IGFL2: variants seen among roughly 807,000 people sequenced by gnomAD.
The protein encoded by IGFL2 is insulin growth factor-like family member 2.
A neutral mutation model predicts 13.9 loss-of-function variants in IGFL2; 7 were observed. That is an observed-to-expected ratio of 0.51 (90% CI 0.29 to 0.95). IGFL2 has a LOEUF of 0.95. IGFL2 is among the 40% of genes least tolerant of loss of function. The pLI, the probability that IGFL2 is intolerant of heterozygous loss-of-function variation, is 0.08. For synonymous variants in IGFL2, 55 were observed against 55.8 expected, an observed-to-expected ratio of 0.99 and a Z score of 0.07; for missense variants, 138 against 147.8, an observed-to-expected ratio of 0.93 and a Z score of 0.34.
In IGFL2 at chr19:46,160,488, A is replaced by G. The variant is rs776417562; in HGVS notation, c.73+20A>G. 6 of 1,613,634 alleles carry G rather than the reference A, an allele frequency of 3.7e-6. No homozygotes were observed. In the South Asian group the frequency reaches 6.6e-5, roughly 18 times the overall value. ...TCATCGGTGAGTACAAGGATGGGCA[A>G]GAGTGAAGAGGAAGGAGGCTGACTT... On this transcript the variant is annotated intron_variant, in intron 2 of 3. Coordinates refer to ENST00000377693, the MANE Select transcript of IGFL2 (RefSeq NM_001135113.2).
At chr19:46,084,834 A>G in the IGFL2 span, among the ~76,000 whole-genome samples, 2 of 152,214 alleles carry the variant, frequency 1.3e-5, no homozygotes, top group Admixed American at 1.3e-4. Context: ...TGGTGGGAAT[A>G]CAAAGATCCA....
At chr19:46,124,428 T>C in the IGFL2 span, 2 of 1,307,494 alleles carry the variant, frequency 1.5e-6, no homozygotes, top group East Asian at 4.8e-5. Context: ...AGGTGGAGAT[T>C]ATCACTTGGG....
At chr19:46,107,428 C>T in the IGFL2 span, among the ~76,000 whole-genome samples, 29 of 151,968 alleles carry the variant, frequency 1.9e-4, no homozygotes, top group African/African-American at 6.5e-4. Flanking sequence ...CAGTGGGGTC[C>T]GCACAGATGG....
At chr19:46,096,940 G>A in the IGFL2 span, among the ~76,000 whole-genome samples, 1 of 152,110 alleles carries the variant, frequency 6.6e-6, no homozygotes, top group East Asian at 1.9e-4. Context: ...GAGGATTTTT[G>A]CGTTGGTATT....
intron 1 of IGFL2, among the ~76,000 whole-genome samples, chr19:46,150,499 G>C (rs1304709187): frequency 6.6e-6 from 1 of 152,104 alleles, no homozygotes; most frequent in Non-Finnish European, 1.5e-5. Context: ...TTAAGAAGTT[G>C]ACAAAGAATA....
intron 1 of IGFL2, chr19:46,149,057 G>A (rs1444433829): frequency 1.9e-6 from 3 of 1,587,376 alleles, no homozygotes; most frequent in Non-Finnish European, 2.6e-6. Context: ...GGCAGCCCAG[G>A]CAGTGGACTG....
the IGFL2 span, among the ~76,000 whole-genome samples, chr19:46,086,323 C>CT: frequency 3.3e-5 from 5 of 151,538 alleles, no homozygotes; most frequent in African/African-American, 4.9e-5. Flanking sequence ...TCATAAATTC[C>CT]TTTTTTTTCT....
At chr19:46,146,389 G>A (rs1973140135), upstream of IGFL2, among the ~76,000 whole-genome samples, 1 of 152,192 alleles carries the variant, frequency 6.6e-6, no homozygotes, top group Non-Finnish European at 1.5e-5. Flanking sequence ...ATTGGATAGT[G>A]TGAGTCCTCT....
the IGFL2 span, among the ~76,000 whole-genome samples, chr19:46,116,753 C>T: frequency 5.3e-5 from 8 of 152,058 alleles, no homozygotes; most frequent in African/African-American, 7.3e-5. Flanking sequence ...ATTCATGTAA[C>T]GGAGTTCTGG....
chr19:46,149,173 C>A, intron 1 of IGFL2: 1 of 650,154 alleles, frequency 1.5e-6, no homozygotes, highest in Non-Finnish European at 2.8e-6. Flanking sequence ...CTCTCTCTCT[C>A]TCTTCTCTCT....
the IGFL2 span, among the ~76,000 whole-genome samples, chr19:46,088,890 AT>A: frequency 2.0e-5 from 3 of 152,246 alleles, no homozygotes; most frequent in African/African-American, 4.8e-5. Flanking sequence ...GACAGAGGAA[AT>A]AATCAGCAAA....
the IGFL2 span, among the ~76,000 whole-genome samples, chr19:46,093,152 G>C: frequency 1.3e-5 from 2 of 152,186 alleles, no homozygotes; most frequent in South Asian, 4.1e-4. Context: ...AATTTTTGAA[G>C]ATCTTTGCTT....
the IGFL2 span, chr19:46,124,209 C>T: frequency 3.5e-5 from 57 of 1,609,236 alleles, 4 homozygotes; most frequent in African/African-American, 7.2e-4. Context: ...TACTCAATTC[C>T]CAGTCTCTTT....
At chr19:46,187,020 G>A in the IGFL2 span, among the ~76,000 whole-genome samples, 1 of 152,332 alleles carries the variant, frequency 6.6e-6, no homozygotes, top group South Asian at 2.1e-4. Flanking sequence ...TAGAAAGGGG[G>A]GTTTCCTAAG....
At chr19:46,173,186 G>A in the IGFL2 span, among the ~76,000 whole-genome samples, 1 of 152,230 alleles carries the variant, frequency 6.6e-6, no homozygotes, top group Non-Finnish European at 1.5e-5. Context: ...GGGGTGGACT[G>A]TGCTAGACTT....
chr19:46,138,527 T>A (rs1343902094), upstream of IGFL2, among the ~76,000 whole-genome samples: 1 of 152,168 alleles, frequency 6.6e-6, no homozygotes, highest in Admixed American at 6.5e-5. Context: ...AGCATTGATG[T>A]CTGTGTGCAT....
the IGFL2 span, among the ~76,000 whole-genome samples, chr19:46,181,053 A>C: frequency 2.0e-5 from 3 of 152,290 alleles, no homozygotes; most frequent in Non-Finnish European, 2.9e-5. Context: ...TCTTGTATTC[A>C]ATCAAGTTGA....
the IGFL2 span, among the ~76,000 whole-genome samples, chr19:46,083,728 G>A: frequency 6.6e-6 from 1 of 152,178 alleles, no homozygotes; most frequent in Non-Finnish European, 1.5e-5. Flanking sequence ...AGGAGAGAAA[G>A]GGAAGGACCT....
At chr19:46,135,547 G>A in the IGFL2 span, among the ~76,000 whole-genome samples, 1 of 152,220 alleles carries the variant, frequency 6.6e-6, no homozygotes, top group East Asian at 1.9e-4. Context: ...CCTCACTGAA[G>A]TAGGACACAA....
Sources: allele counts gnomAD v4.1 joint callset (sites outside exome capture counted in the v4.1 genomes callset), GRCh38; gene constraint gnomAD v4.1.1; transcripts MANE v1.5; gene names NCBI Gene and HGNC (gene_info 2026-07-23, HGNC 2026-07-21).